The following SOS1 variants were observed in gnomAD, a reference collection of about 807,000 sequenced individuals.
SOS1 encodes the protein son of sevenless homolog 1.
In SOS1, 25 loss-of-function variants were observed where a neutral mutation model predicts 157.6. The observed-to-expected ratio is 0.16, with a 90% CI of 0.12 to 0.22. The LOEUF (loss-of-function observed/expected upper bound fraction) is 0.22, where lower values mean the gene tolerates loss of function less well. Among genes scored for constraint, SOS1 ranks in the 10% least tolerant of loss-of-function variants. SOS1 has a pLI of 1.00. For synonymous variants in SOS1, 528 were observed against 534.0 expected (o/e 0.99, Z 0.16); for missense variants, 1,237 against 1,599.1 (o/e 0.77, Z 3.86).
intron 1 of SOS1, among the ~76,000 whole-genome samples, chr2:39,087,030 C>G (rs2148180693): frequency 6.6e-6 from 1 of 152,256 alleles, no homozygotes; most frequent in East Asian, 1.9e-4. Flanking sequence ...CCAGGCTGGT[C>G]TTGGAACTCC....
intron 1 of SOS1, among the ~76,000 whole-genome samples, chr2:39,113,451 G>A (rs575001998): frequency 8.4e-4 from 128 of 151,636 alleles, no homozygotes; most frequent in Non-Finnish European, 1.5e-3. Flanking sequence ...CAAAGTGTTG[G>A]CGTCAATAGC....
intron 1 of SOS1, among the ~76,000 whole-genome samples, chr2:39,088,575 T>C (rs987318588): frequency 2.6e-5 from 4 of 152,196 alleles, no homozygotes; most frequent in Non-Finnish European, 5.9e-5. Flanking sequence ...TGAAATCATA[T>C]AGTATTTGTC....
intron 17 of SOS1, among the ~76,000 whole-genome samples, chr2:39,005,750 AAG>A (rs1216753700): frequency 1.3e-5 from 2 of 151,808 alleles, no homozygotes; most frequent in Non-Finnish European, 2.9e-5. Context: ...GCACATACTA[AAG>A]AGACTATAGA....
chr2:39,073,238 G>A (rs1035093272), intron 1 of SOS1, among the ~76,000 whole-genome samples: 1 of 152,170 alleles, frequency 6.6e-6, no homozygotes, highest in Non-Finnish European at 1.5e-5. Context: ...AGTTGCATGT[G>A]TGTTTATGAG....
At chr2:39,095,002 G>T (rs1205904167) in intron 1 of SOS1, among the ~76,000 whole-genome samples, 3 of 152,078 alleles carry the variant, frequency 2.0e-5, no homozygotes, top group Non-Finnish European at 4.4e-5. Context: ...TAAAAGTAGG[G>T]CCAACCAGGT....
chr2:39,111,795 C>T (rs1673446781), intron 1 of SOS1, among the ~76,000 whole-genome samples: 1 of 150,766 alleles, frequency 6.6e-6, no homozygotes, highest in Admixed American at 6.6e-5. Context: ...AGTGACACAA[C>T]CTTAGCTCAC....
chr2:39,075,632 C>T (rs894562356), intron 1 of SOS1, among the ~76,000 whole-genome samples: 1 of 79,558 alleles, frequency 1.3e-5, no homozygotes, highest in African/African-American at 3.4e-5. Context: ...AGACAGACTC[C>T]ATCTCAAAAT....
upstream of SOS1, among the ~76,000 whole-genome samples, chr2:39,123,706 C>A (rs2148248678): frequency 6.6e-6 from 1 of 152,242 alleles, no homozygotes; most frequent in African/African-American, 2.4e-5. Context: ...TTAATCGTAT[C>A]CCCGGGGCCT....
chr2:39,071,613 T>C (rs1249725217), intron 1 of SOS1, among the ~76,000 whole-genome samples: 2 of 152,238 alleles, frequency 1.3e-5, no homozygotes, highest in African/African-American at 4.8e-5. Flanking sequence ...TCGAATTACC[T>C]TTTAAAAATA....
intron 3 of SOS1, 32 bp from the exon 4 acceptor site, chr2:39,056,898 A>T (rs748424060): frequency 7.0e-7 from 1 of 1,432,026 alleles, no homozygotes; most frequent in Non-Finnish European, 9.8e-7. Context: ...ATGTTTAAAC[A>T]TCATATACTG....
chr2:39,006,741 A>T (rs974549630), intron 16 of SOS1, among the ~76,000 whole-genome samples: 1 of 152,196 alleles, frequency 6.6e-6, no homozygotes, highest in Non-Finnish European at 1.5e-5. Flanking sequence ...CTAGTTTATC[A>T]TGTCATTCCT....
chr2:38,996,940 A>T lies in SOS1; in HGVS notation c.3063T>A (p.Pro1021=). ...TGCTTACAAATCTTGGGAGAGGCTTAGGGTTTCGTGGTTCTATTTCTAGGG... is the reference window on the plus strand; with the variant it reads ...TGCTTACAAATCTTGGGAGAGGCTTTGGGTTTCGTGGTTCTATTTCTAGGG... The part of the protein sequence containing the change: ...NKSLEIEPRN[P]KPLPRFPKKY... Residue 1021 remains proline, a synonymous_variant, in exon 19 of 23, where the codon CCT becomes CCA. Transcript: ENST00000402219. 1 of 1,554,860 alleles carries T rather than the reference A, an allele frequency of 6.4e-7. No homozygotes were observed. The highest frequency in any genetic ancestry group is 1.1e-5 in the South Asian group (1 of 89,870).
intron 1 of SOS1, among the ~76,000 whole-genome samples, chr2:39,102,042 C>A: frequency 6.6e-6 from 1 of 150,476 alleles, no homozygotes; most frequent in East Asian, 2.0e-4. Flanking sequence ...CCCATCTCTA[C>A]TAAAAATGCA....
intron 14 of SOS1, among the ~76,000 whole-genome samples, chr2:39,011,590 A>T (rs1558468627): frequency 6.6e-6 from 1 of 152,214 alleles, no homozygotes; most frequent in Non-Finnish European, 1.5e-5. Context: ...TGAATAATTT[A>T]AGATTCTAAG....
At chr2:39,067,533 A>G in intron 2 of SOS1, 95 bp downstream of exon 2, 1 of 1,077,660 alleles carries the variant, frequency 9.3e-7, no homozygotes, top group Non-Finnish European at 1.4e-6. Context: ...TATATACCAT[A>G]TATATAGAGA....
intron 1 of SOS1, among the ~76,000 whole-genome samples, chr2:39,091,710 A>C (rs953649714): frequency 6.6e-6 from 1 of 151,990 alleles, no homozygotes; most frequent in African/African-American, 2.4e-5. Context: ...CCAGCCCCCC[A>C]GGCTTCTCCA....
intron 19 of SOS1, among the ~76,000 whole-genome samples, chr2:38,995,717 TG>T (rs1668871283): frequency 6.6e-6 from 1 of 152,200 alleles, no homozygotes; most frequent in Non-Finnish European, 1.5e-5. Flanking sequence ...CAGACTATTT[TG>T]AGCAAATTTA....
chr2:38,998,282 C>G (rs952545124), intron 17 of SOS1, among the ~76,000 whole-genome samples: 4 of 151,790 alleles, frequency 2.6e-5, no homozygotes, highest in Non-Finnish European at 4.4e-5. Flanking sequence ...TGGAGTCTCA[C>G]TCTGTCTCCC....
chr2:39,022,229 A>G (rs1669821063), intron 10 of SOS1, among the ~76,000 whole-genome samples: 1 of 151,850 alleles, frequency 6.6e-6, no homozygotes, highest in Non-Finnish European at 1.5e-5. Flanking sequence ...GAAAAAGAAG[A>G]AAGAAAAAAA....
Sources: gnomAD v4.1 joint callset for allele counts (sites outside exome capture counted in the v4.1 genomes callset) on GRCh38, gnomAD v4.1.1 for gene constraint, MANE v1.5 for transcripts, NCBI Gene and HGNC (gene_info 2026-07-23, HGNC 2026-07-21) for gene names.